The following STAT3 variants were observed in gnomAD, a reference collection of about 807,000 sequenced individuals.
STAT3 encodes DNA-binding protein APRF.
STAT3 carries 7 observed loss-of-function variants against 114.3 expected under a neutral mutation model. That is an observed-to-expected ratio of 0.06 (90% CI 0.03 to 0.11). The LOEUF is 0.11. Among genes scored for constraint, STAT3 ranks in the 10% least tolerant of loss-of-function variants. The pLI, the probability that STAT3 is intolerant of heterozygous loss-of-function variation, is 1.00. For missense variants in STAT3, 364 were observed against 960.9 expected (o/e 0.38, Z 8.21); for synonymous variants, 331 against 354.5 (o/e 0.93, Z 0.74).
At chr17:42,350,049 C>CT (rs1379849212) in intron 1 of STAT3, among the ~76,000 whole-genome samples, 5 of 138,122 alleles carry the variant, frequency 3.6e-5, no homozygotes, top group Non-Finnish European at 7.9e-5. Flanking sequence ...GAGCAAAACT[C>CT]TGTCTCCAAA....
intron 3 of STAT3, among the ~76,000 whole-genome samples, chr17:42,346,101 A>G (rs1374378435): frequency 6.6e-6 from 1 of 151,348 alleles, no homozygotes; most frequent in African/African-American, 2.4e-5. Flanking sequence ...TGGTCTCAAA[A>G]CTCCCAGGCT....
chr17:42,371,174 G>A (rs1228693077), intron 1 of STAT3, among the ~76,000 whole-genome samples: 1 of 152,134 alleles, frequency 6.6e-6, no homozygotes, highest in Non-Finnish European at 1.5e-5. Flanking sequence ...TTTAGATGGG[G>A]AAGTCAGACA....
At chr17:42,367,952 C>T (rs1040295101) in intron 1 of STAT3, among the ~76,000 whole-genome samples, 2 of 152,154 alleles carry the variant, frequency 1.3e-5, no homozygotes, top group African/African-American at 4.8e-5. Flanking sequence ...ACTGCCCTTC[C>T]TTAAGTAGGA....
intron 2 of STAT3, among the ~76,000 whole-genome samples, chr17:42,347,906 G>A (rs1231112121): frequency 6.6e-6 from 1 of 152,152 alleles, no homozygotes; most frequent in African/African-American, 2.4e-5. Context: ...GCAGAACTAT[G>A]AGCCGATTAA....
intron 1 of STAT3, among the ~76,000 whole-genome samples, chr17:42,357,231 G>A (rs991922907): frequency 2.0e-5 from 3 of 152,166 alleles, no homozygotes; most frequent in East Asian, 1.9e-4. Context: ...ACCATACCAC[G>A]TTCTAAAAAT....
chr17:42,320,691 T>G (rs1173602753), intron 21 of STAT3, among the ~76,000 whole-genome samples: 1 of 138,538 alleles, frequency 7.2e-6, no homozygotes, highest in East Asian at 2.3e-4. Context: ...ATGGTGCCAC[T>G]GCACTCCAGC....
At chr17:42,362,323 G>A (rs1159167634) in intron 1 of STAT3, among the ~76,000 whole-genome samples, 1 of 152,182 alleles carries the variant, frequency 6.6e-6, no homozygotes, top group African/African-American at 2.4e-5. Flanking sequence ...AGGAAAAGAG[G>A]CAGAGGCAAG....
At chr17:42,349,066 C>T (rs2082823568) in intron 1 of STAT3, among the ~76,000 whole-genome samples, 1 of 151,562 alleles carries the variant, frequency 6.6e-6, no homozygotes, top group Non-Finnish European at 1.5e-5. Context: ...ACAAACAAAA[C>T]ATGCCCAGGC....
At chr17:42,379,788 G>A (rs1417935844) in intron 1 of STAT3, among the ~76,000 whole-genome samples, 1 of 152,104 alleles carries the variant, frequency 6.6e-6, no homozygotes, top group East Asian at 1.9e-4. Context: ...TTTATCAGAA[G>A]GGCATTTGTG....
intron 1 of STAT3, among the ~76,000 whole-genome samples, chr17:42,361,584 G>C (rs1028822889): frequency 1.1e-4 from 17 of 151,976 alleles, no homozygotes; most frequent in African/African-American, 4.1e-4. Context: ...CTCGAAATCA[G>C]AGCAGAGATC....
intron 1 of STAT3, among the ~76,000 whole-genome samples, chr17:42,374,554 G>A (rs528638847): frequency 2.1e-4 from 30 of 146,110 alleles, no homozygotes; most frequent in Non-Finnish European, 3.3e-4. Flanking sequence ...AGGTTGCAGT[G>A]AGCTGAGATC....
At chr17:42,363,188 C>A (rs985892683) in intron 1 of STAT3, among the ~76,000 whole-genome samples, 1 of 152,140 alleles carries the variant, frequency 6.6e-6, no homozygotes, top group East Asian at 1.9e-4. Flanking sequence ...GAGGACACTG[C>A]GCCCAATTAG....
At chr17:42,366,556 A>G (rs1009049805) in intron 1 of STAT3, among the ~76,000 whole-genome samples, 1 of 151,582 alleles carries the variant, frequency 6.6e-6, no homozygotes, top group East Asian at 1.9e-4. Context: ...CTGTGATCCC[A>G]GCTACTTGGG....
chr17:42,365,716 C>T (rs1371647584), intron 1 of STAT3, among the ~76,000 whole-genome samples: 3 of 145,890 alleles, frequency 2.1e-5, no homozygotes, highest in African/African-American at 5.1e-5. Flanking sequence ...AGTGCAGTGG[C>T]GTGATCTTGG....
rs1344374375 is a variant in STAT3, at chr17:42,346,570, T to C, written c.272A>G (p.Gln91Arg). 1 of 1,614,170 alleles carries C rather than the reference T, an allele frequency of 6.2e-7. No individual in the cohort carries two copies. The highest frequency in any genetic ancestry group is 8.5e-7 in the Non-Finnish European group (1 of 1,180,032). Residue 91 changes from glutamine to arginine, a missense_variant and splice_region_variant, in exon 3 of 24, where the codon CAG (glutamine) becomes CGG (arginine). By Grantham distance (43) the Gln-to-Arg change is conservative. This residue lies in a region of STAT3 where 294 missense variants were observed against 745.1 expected (regional missense o/e 0.39). Coordinates refer to ENST00000264657, the MANE Select transcript of STAT3 (RefSeq NM_139276.3). ...HNLRRIKQFL[Q>R]SRYLEKPMEI... ...CTTGTCCTCAGTTTCTCATCATACC[T>C]GAAGAAACTGCTTGATTCTTCGTAG...
chr17:42,363,950 C>T (rs962809233), intron 1 of STAT3, among the ~76,000 whole-genome samples: 1 of 152,156 alleles, frequency 6.6e-6, no homozygotes, highest in African/African-American at 2.4e-5. Context: ...ACTGCTTTCA[C>T]TCTGAATCCC....
At position 42,327,779 on chromosome 17, in the gene STAT3, G is replaced by A. The variant is rs191000017; in HGVS notation, c.1282-1580C>T. ...AATTGAATTCTAGTCTGGGCACAGC[G>A]GCTCATGCCTGTAATCCCAGCACTT... is the stretch of plus-strand genomic sequence containing the variant. On this transcript the variant is annotated intron_variant, in intron 14 of 23. Transcript: ENST00000264657. Among the ~76,000 whole-genome samples the A allele has an allele frequency of 3.9e-5, 6 of 152,308 alleles. No homozygotes were observed. In the East Asian group the frequency reaches 9.6e-4, roughly 24 times the overall value.
rs773138024 is a variant in STAT3 at position 42,337,526 on chromosome 17, T to A, written c.706A>T (p.Thr236Ser). 1 of 1,614,208 alleles carries A rather than the reference T, an allele frequency of 6.2e-7. No individual in the cohort carries two copies. Among genetic ancestry groups the A allele is most frequent in the South Asian group, 1.1e-5 (1 of 91,084 alleles). ...SAMEYVQKTL[T>S]DEELADWKRR... ...TTCCAGTCAGCCAGCTCCTCGTCCG[T>A]GAGAGTTTTCTGCACGTACTCCATC... Residue 236 changes from threonine (T) to serine (S), a missense_variant, in exon 8 of 24, where the codon ACG becomes TCG. Physicochemically the swap from Thr to Ser is moderately conservative, Grantham distance 58. This residue lies in a region of STAT3 where 294 missense variants were observed against 745.1 expected (regional missense o/e 0.39). Transcript: ENST00000264657. This position sits in a 1 kb window ranked among gnomAD's most constrained non-coding sequence, Gnocchi z 4.0.
intron 8 of STAT3, among the ~76,000 whole-genome samples, chr17:42,336,606 G>GA (rs879704922): frequency 3.1e-4 from 46 of 148,452 alleles, no homozygotes; most frequent in Middle Eastern, 3.5e-3. Flanking sequence ...TCCAAAAAAA[G>GA]AAAAAAAAAT....
Sources: gnomAD v4.1 joint callset for allele counts (sites outside exome capture counted in the v4.1 genomes callset) on GRCh38, gnomAD v4.1.1 for gene constraint, gnomAD v4.1.1 regional missense constraint, Gnocchi (gnomAD v3.1) non-coding constraint, MANE v1.5 for transcripts, NCBI Gene and HGNC (gene_info 2026-07-23, HGNC 2026-07-21) for gene names.